RNF130: variants seen among roughly 807,000 people sequenced by gnomAD.
RNF130 encodes ring finger protein 130.
In RNF130, 21 loss-of-function variants were observed where a neutral mutation model predicts 44.6. The ratio of observed to expected loss-of-function variants is 0.47; its 90% CI spans 0.33 to 0.68. The LOEUF is 0.68. Among genes scored for constraint, RNF130 ranks in the 30% least tolerant of loss-of-function variants. The pLI, the probability that RNF130 is intolerant of heterozygous loss-of-function variation, is 0.02. For synonymous variants in RNF130, 214 were observed against 210.4 expected (o/e 1.02, Z -0.15); for missense variants, 479 against 560.6 (o/e 0.85, Z 1.47).
At chr5:179,961,167 T>C (rs1274832173) in intron 8 of RNF130, among the ~76,000 whole-genome samples, 1 of 151,532 alleles carries the variant, frequency 6.6e-6, no homozygotes, top group Non-Finnish European at 1.5e-5. Flanking sequence ...TTGCCCCAGA[T>C]TCTAAAGTAA....
chr5:180,049,368 G>C (rs948714776), intron 1 of RNF130, among the ~76,000 whole-genome samples: 5 of 152,144 alleles, frequency 3.3e-5, no homozygotes, highest in Non-Finnish European at 5.9e-5. Context: ...TTTGGATGAG[G>C]GGAAATCATC....
intron 2 of RNF130, among the ~76,000 whole-genome samples, chr5:180,018,406 C>G (rs1200007636): frequency 1.3e-5 from 2 of 152,154 alleles, no homozygotes; most frequent in Non-Finnish European, 2.9e-5. Context: ...GAAGGCACCT[C>G]TTCACAGGGC....
Position 179,958,756 on chromosome 5 carries a change from G to A in RNF130, c.1245-3087C>T, listed in dbSNP as rs972312913. Among the ~76,000 whole-genome samples, 7 of 151,984 alleles carry A rather than the reference G, an allele frequency of 4.6e-5. No homozygotes were observed. In the South Asian group the frequency reaches 6.2e-4, roughly 14 times the overall value. The stretch of plus-strand genomic sequence containing the variant: ...GGCTGGAGTGCAATGGGGCGATCTC[G>A]GCTCACTGCAACCTTCGCCTCCCAG... On this transcript the variant is annotated intron_variant, in intron 8 of 8. Transcript: ENST00000521389.
chr5:180,036,152 T>C (rs1764245165), intron 2 of RNF130, among the ~76,000 whole-genome samples: 1 of 152,170 alleles, frequency 6.6e-6, no homozygotes, highest in Admixed American at 6.5e-5. Context: ...GATTCTGATA[T>C]TTTCCCCCTT....
rs75358254 is a variant in RNF130, at chr5:180,000,658, A to G, written c.693+12403T>C. Among the ~76,000 whole-genome samples the G allele has an allele frequency of 6.9e-3, 1,054 of 152,182 alleles. 49 individuals carry two copies. In the East Asian group the frequency reaches 0.13, roughly 19 times the overall value. ...TTCAAGTTGAGAGATTCTTTCTTAC[A>G]TATGATCAAGTTTGCTGCTGAAATT... On this transcript the variant is annotated intron_variant, in intron 3 of 8. Transcript: ENST00000521389.
intron 2 of RNF130, among the ~76,000 whole-genome samples, chr5:180,016,820 T>G (rs1258047030): frequency 6.6e-6 from 1 of 152,252 alleles, no homozygotes; most frequent in African/African-American, 2.4e-5. Flanking sequence ...TCTATATGTA[T>G]TTATTTTTGC....
At chr5:179,980,852 C>A (rs572627485) in intron 3 of RNF130, among the ~76,000 whole-genome samples, 3 of 152,342 alleles carry the variant, frequency 2.0e-5, no homozygotes, top group Admixed American at 1.3e-4. Context: ...ACTGCTAGCA[C>A]TGCTTGGCAC....
rs1236228753 is a variant in RNF130, at chr5:179,937,929, TGTGTGA to T, written c.1151-17509_1151-17504del. Among the ~76,000 whole-genome samples the T allele has an allele frequency of 2.2e-4, 29 of 134,646 alleles. 1 individual carries two copies. Among genetic ancestry groups the T allele is most frequent in the African/African-American group, 8.6e-4 (28 of 32,634 alleles). The allele number at this position is 134,646 out of a possible 152,430, so 88.3% of individuals were successfully genotyped here. A position where few individuals can be genotyped will look rare whatever the true frequency, so the allele number is the denominator to read the frequency against. On this transcript the variant is annotated intron_variant, in intron 7 of 7. Transcript: ENST00000522208. Reference sequence around the variant, plus strand: ...CTGTGTGTGTGTGTGTGTGTGTGTGTGTGTGAGAGAGAGAGAGAGAGAGAGAGAGAG... The same window carrying T: ...CTGTGTGTGTGTGTGTGTGTGTGTGTGAGAGAGAGAGAGAGAGAGAGAGAG...
intron 3 of RNF130, among the ~76,000 whole-genome samples, chr5:179,995,413 A>G (rs1446337120): frequency 6.6e-6 from 1 of 151,964 alleles, no homozygotes; most frequent in African/African-American, 2.4e-5. Flanking sequence ...CTCATTTATC[A>G]TTTCTGGCTG....
At chr5:180,051,834 A>G (rs1020596324) in intron 1 of RNF130, among the ~76,000 whole-genome samples, 1 of 152,224 alleles carries the variant, frequency 6.6e-6, no homozygotes, top group African/African-American at 2.4e-5. Flanking sequence ...CTTTGCATGA[A>G]AAGTCAATTT....
chr5:180,070,080 C>A (rs1765209561), intron 1 of RNF130, among the ~76,000 whole-genome samples: 1 of 152,194 alleles, frequency 6.6e-6, no homozygotes, highest in South Asian at 2.1e-4. Flanking sequence ...GCCTCCCCTT[C>A]CTCTTTCTAC....
chr5:180,025,578 A>AT (rs1456004910), intron 2 of RNF130, among the ~76,000 whole-genome samples: 1 of 152,028 alleles, frequency 6.6e-6, no homozygotes, highest in Non-Finnish European at 1.5e-5. Flanking sequence ...GGCTATTTTT[A>AT]TTTTTTTAAA....
rs186755768 is a variant in RNF130 at position 180,031,587 on chromosome 5, C to T, written c.442+8866G>A. ...CCCTAACCTTCTCACTGTTCAAGGG[C>T]CAACTGTAATTGCTAAACTATATTC... is the stretch of plus-strand genomic sequence containing the variant. On this transcript the variant is annotated intron_variant, in intron 2 of 8. Transcript: ENST00000521389. Among the ~76,000 whole-genome samples the T allele has an allele frequency of 1.5e-3, 227 of 152,284 alleles. 1 individual carries two copies. Among genetic ancestry groups the T allele is most frequent in the African/African-American group, 5.3e-3 (222 of 41,552 alleles).
intron 3 of RNF130, among the ~76,000 whole-genome samples, chr5:179,988,836 G>A (rs1763012654): frequency 1.3e-5 from 2 of 152,188 alleles, no homozygotes; most frequent in African/African-American, 2.4e-5. Flanking sequence ...TCCATATGTT[G>A]AGGAAAATGT....
chr5:180,044,627 T>C (rs1394444962), intron 1 of RNF130, among the ~76,000 whole-genome samples: 1 of 152,114 alleles, frequency 6.6e-6, no homozygotes, highest in Middle Eastern at 3.4e-3. Flanking sequence ...GGGTCATGAG[T>C]TCGAGACCAG....
chr5:179,998,875 ATATATATATGTTT>A lies in RNF130; in HGVS notation c.693+14173_693+14185del, dbSNP rs1294733830. Among the ~76,000 whole-genome samples the A allele has an allele frequency of 1.4e-4, 18 of 129,176 alleles. 1 individual carries two copies. Among genetic ancestry groups the A allele is most frequent in the Admixed American group, 2.4e-4 (3 of 12,684 alleles). The allele number at this position is 129,176 out of a possible 152,430, so 84.7% of individuals were successfully genotyped here. A position where few individuals can be genotyped will look rare whatever the true frequency, so the allele number is the denominator to read the frequency against. On this transcript the variant is annotated intron_variant, in intron 3 of 8. Transcript: ENST00000521389. ...TAGTATTTTTTATATATATATATATATATATATATGTTTTATATATCTGAGTGCTCCAGTGTTG... is the reference window on the plus strand; with the variant it reads ...TAGTATTTTTTATATATATATATATATATATATCTGAGTGCTCCAGTGTTG...
At chr5:179,945,044 A>C (rs1238431988) in intron 7 of RNF130, among the ~76,000 whole-genome samples, 1 of 152,206 alleles carries the variant, frequency 6.6e-6, no homozygotes, top group Non-Finnish European at 1.5e-5. Context: ...TGGGAGGCCA[A>C]GGCGGGTGGA....
At chr5:180,047,527 C>G (rs1330905694) in intron 1 of RNF130, among the ~76,000 whole-genome samples, 4 of 152,130 alleles carry the variant, frequency 2.6e-5, no homozygotes, top group African/African-American at 9.7e-5. Flanking sequence ...GGCAGATCAC[C>G]TGAGGTCGGG....
intron 7 of RNF130, chr5:179,934,091 G>T: frequency 4.1e-6 from 1 of 241,382 alleles, no homozygotes; most frequent in Non-Finnish European, 8.1e-6. Flanking sequence ...GTTAGAAACC[G>T]GAAGACGACT....
Sources: allele counts gnomAD v4.1 joint callset (sites outside exome capture counted in the v4.1 genomes callset), GRCh38; gene constraint gnomAD v4.1.1; transcripts MANE v1.5; gene names NCBI Gene and HGNC (gene_info 2026-07-23, HGNC 2026-07-21).